The following MAX variants were observed in gnomAD, a reference collection of about 807,000 sequenced individuals.
MAX encodes MYC associated transcriptional regulator X, also known as protein max.
In MAX, 3 loss-of-function variants were observed where a neutral mutation model predicts 22.3. That is an observed-to-expected ratio of 0.13 (90% confidence interval 0.06 to 0.35). MAX has a LOEUF of 0.35. Ranked by LOEUF, MAX falls within the 10% of genes least tolerant of loss-of-function variation. The pLI is 1.00. For synonymous variants in MAX, 72 were observed against 77.7 expected (o/e 0.93, Z 0.39); for missense variants, 119 against 209.4 (o/e 0.57, Z 2.66).
In MAX at chr14:65,069,066, C is replaced by T. The variant is rs781583760; in HGVS notation, c.171+24642G>A. Reference sequence around the variant, plus strand: ...GTAAGGCAGATGCCGATGGTGATGACGTAAGTGCTAGGTGTCCATGCTCCT... The same window carrying T: ...GTAAGGCAGATGCCGATGGTGATGATGTAAGTGCTAGGTGTCCATGCTCCT... On this transcript the variant is annotated intron_variant, in intron 3 of 3. Transcript: ENST00000341653. The surrounding 1 kb of genome is among the most constrained non-coding windows in gnomAD (Gnocchi z 4.6). 1.3e-5 allele frequency among the ~76,000 whole-genome samples: 2 copies of T among 152,088 alleles called. No homozygotes were observed. The highest frequency in any genetic ancestry group is 2.9e-5 in the Non-Finnish European group (2 of 68,024).
intron 2 of MAX, among the ~76,000 whole-genome samples, chr14:65,098,577 A>G (rs568492258): frequency 6.6e-6 from 1 of 152,204 alleles, no homozygotes; most frequent in Non-Finnish European, 1.5e-5. Context: ...GAAATTTCCC[A>G]AACAGAAATA....
At position 65,084,393 on chromosome 14, in the gene MAX, T is replaced by C; in HGVS notation, c.172-6357A>G. Reference sequence around the variant, plus strand: ...TTTGTTTACTGAATTAGTTACCCTCTTCCAAAAAAAAAAATTCCAGTGATA... The same window carrying C: ...TTTGTTTACTGAATTAGTTACCCTCCTCCAAAAAAAAAAATTCCAGTGATA... On this transcript the variant is annotated intron_variant, in intron 3 of 4. Coordinates refer to ENST00000358664, the MANE Select transcript of MAX (RefSeq NM_002382.5). This position sits in a 1 kb window ranked among gnomAD's most constrained non-coding sequence, Gnocchi z 4.3. 1 of 784,142 alleles carries C rather than the reference T, an allele frequency of 1.3e-6. No homozygotes were observed. The highest frequency in any genetic ancestry group is 2.1e-6 in the Non-Finnish European group (1 of 467,188). The allele number at this position is 784,142 out of a possible 1,614,324, so 48.6% of individuals were successfully genotyped here.
chr14:65,047,988 T>G lies in MAX; in HGVS notation c.172-41704A>C, dbSNP rs1174750075. Among the ~76,000 whole-genome samples the G allele has an allele frequency of 7.7e-5, 11 of 141,982 alleles. No individual in the cohort carries two copies. Among genetic ancestry groups the G allele is most frequent in the African/African-American group, 2.9e-4 (11 of 37,980 alleles). 93.1% of individuals were successfully genotyped at this position (141,982 alleles called of 152,430 possible). ...AGGGAGACTTTTTAGATTTTTTTTT[T>G]TTTTTTTTTTTTTTTTTGAGACAGA... On this transcript the variant is annotated intron_variant, in intron 3 of 3. Coordinates refer to the MAX transcript ENST00000341653. The surrounding 1 kb of genome is among the most constrained non-coding windows in gnomAD (Gnocchi z 5.2).
rs59036615 is a variant in MAX at position 65,060,697 on chromosome 14, C to CA, written c.171+33010dup. Among the ~76,000 whole-genome samples, 246 of 48,588 alleles carry CA rather than the reference C, an allele frequency of 5.1e-3. 9 individuals are homozygous for CA. Among genetic ancestry groups the CA allele is most frequent in the Non-Finnish European group, 5.8e-3 (184 of 31,460 alleles). 31.9% of individuals were successfully genotyped at this position (48,588 alleles called of 152,430 possible). On this transcript the variant is annotated intron_variant, in intron 3 of 3. Coordinates refer to the MAX transcript ENST00000341653. The stretch of plus-strand genomic sequence containing the variant: ...GGCGACAGAGCGAGAGACTCCGTCT[C>CA]AAAAAAAAAAAAAAAAAATACAAAA...
upstream of MAX, chr14:65,102,681 C>T: frequency 4.0e-6 from 3 of 758,886 alleles, no homozygotes; most frequent in Non-Finnish European, 5.0e-6. Context: ...ATCCAGGCGA[C>T]GCCAGCCCGG....
intron 3 of MAX, among the ~76,000 whole-genome samples, chr14:65,066,508 T>A (rs2062931718): frequency 6.6e-6 from 1 of 152,128 alleles, no homozygotes; most frequent in Non-Finnish European, 1.5e-5. Flanking sequence ...ATGGAAACTT[T>A]CCCTTGCCCT....
In MAX at chr14:65,084,561, C is replaced by T. The variant is rs1030807989; in HGVS notation, c.172-6525G>A. On this transcript the variant is annotated intron_variant, in intron 3 of 4. Coordinates refer to ENST00000358664, the MANE Select transcript of MAX (RefSeq NM_002382.5). The surrounding 1 kb of genome is among the most constrained non-coding windows in gnomAD (Gnocchi z 4.3). Reference sequence around the variant, plus strand: ...AACACACGGAAAAAGGTCAGATGCTCGCACCCCTCAACCCAGAAATCCAAC... The same window carrying T: ...AACACACGGAAAAAGGTCAGATGCTTGCACCCCTCAACCCAGAAATCCAAC... 7.9e-5 allele frequency among the ~76,000 whole-genome samples: 12 copies of T among 152,164 alleles called. No individual in the cohort carries two copies. The highest frequency in any genetic ancestry group is 1.6e-4 in the Non-Finnish European group (11 of 67,994).
rs554921392 is a variant in MAX, at chr14:65,083,596, C to T, written c.172-5560G>A. The stretch of plus-strand genomic sequence containing the variant: ...CCCTTCCCTAGGGTCCCAATGCTGA[C>T]GTGAGAAACAATAATCTTAACTCTA... On this transcript the variant is annotated intron_variant, in intron 3 of 4. Transcript: ENST00000358664. The T allele has an allele frequency of 2.6e-5, 11 of 418,790 alleles. No individual in the cohort carries two copies. In the South Asian group the frequency reaches 8.0e-4, roughly 31 times the overall value. The allele number at this position is 418,790 out of a possible 1,614,324, so 25.9% of individuals were successfully genotyped here.
rs564706233 is a variant in MAX at position 65,037,287 on chromosome 14, AG to A, written c.172-31004del. Among the ~76,000 whole-genome samples the A allele has an allele frequency of 2.6e-3, 382 of 148,916 alleles. 3 individuals carry two copies. Among genetic ancestry groups the A allele is most frequent in the African/African-American group, 8.9e-3 (361 of 40,490 alleles). On this transcript the variant is annotated intron_variant, in intron 3 of 3. Transcript: ENST00000341653. ...CCCAGCTAATTTTTGTATTTTTAGT[AG>A]AGATGGGGTTTTACCATGTTGGCCA... is the stretch of plus-strand genomic sequence containing the variant.
intron 3 of MAX, among the ~76,000 whole-genome samples, chr14:65,058,107 C>T (rs1595106093): frequency 7.0e-6 from 1 of 143,846 alleles, no homozygotes; most frequent in African/African-American, 3.0e-5. Context: ...AGGAGAGAAC[C>T]AACTTTTTTT....
intron 3 of MAX, among the ~76,000 whole-genome samples, chr14:65,022,340 C>T (rs1449845990): frequency 6.6e-6 from 1 of 150,840 alleles, no homozygotes. Context: ...ATTTTTATAA[C>T]TTATCCTAGG....
chr14:65,038,766 C>G (rs905889752), intron 3 of MAX, among the ~76,000 whole-genome samples: 17 of 152,072 alleles, frequency 1.1e-4, no homozygotes, highest in Non-Finnish European at 2.4e-4. Context: ...GGTTCGTTTC[C>G]ATCTCTTAAT....
chr14:65,038,037 T>A (rs1342412249), intron 3 of MAX, among the ~76,000 whole-genome samples: 3 of 151,928 alleles, frequency 2.0e-5, no homozygotes, highest in Non-Finnish European at 4.4e-5. Flanking sequence ...AGTGCTGGGA[T>A]TACAGGCATG....
chr14:65,057,926 A>C (rs577883150), intron 3 of MAX, among the ~76,000 whole-genome samples: 375 of 152,006 alleles, frequency 2.5e-3, no homozygotes, highest in African/African-American at 8.7e-3. Flanking sequence ...GCCTATCTGC[A>C]CTCTTTTAAG....
At chr14:65,008,515 A>G (rs1398833407) in intron 3 of MAX, among the ~76,000 whole-genome samples, 1 of 152,224 alleles carries the variant, frequency 6.6e-6, no homozygotes, top group Non-Finnish European at 1.5e-5. Context: ...TACCGATGGG[A>G]TAATTTGAGA....
At chr14:65,038,691 C>G (rs2062272065) in intron 3 of MAX, among the ~76,000 whole-genome samples, 1 of 152,150 alleles carries the variant, frequency 6.6e-6, no homozygotes, top group Admixed American at 6.5e-5. Context: ...GTACTCCAGC[C>G]TCGGCATCAG....
intron 3 of MAX, among the ~76,000 whole-genome samples, chr14:65,006,595 T>A (rs1306105615): frequency 6.6e-6 from 1 of 152,148 alleles, no homozygotes. Context: ...TTGGAGGGGC[T>A]TTGTTGTTGT....
chr14:65,070,677 C>A (rs539716160), downstream of MAX, among the ~76,000 whole-genome samples: 108 of 152,358 alleles, frequency 7.1e-4, 1 homozygote, highest in African/African-American at 2.5e-3. The surrounding 1 kb of genome is among the most constrained non-coding windows in gnomAD (Gnocchi z 4.4). Context: ...GCGGGCCCCT[C>A]GGCCCAGTCA....
rs1263114706 is a variant in MAX, at chr14:65,038,488, G to A, written c.172-32204C>T. 2.0e-5 allele frequency among the ~76,000 whole-genome samples: 3 copies of A among 152,014 alleles called. No homozygotes were observed. The East Asian group carries it at 5.8e-4, about 29-fold the overall frequency. Reference sequence around the variant, plus strand: ...TAATCCCAGCACTTTGGGAGGCCAAGGCAGGCAGATCACGAGGTCAGGAGT... The same window carrying A: ...TAATCCCAGCACTTTGGGAGGCCAAAGCAGGCAGATCACGAGGTCAGGAGT... On this transcript the variant is annotated intron_variant, in intron 3 of 3. Coordinates refer to the MAX transcript ENST00000341653.
Sources: allele counts gnomAD v4.1 joint callset (sites outside exome capture counted in the v4.1 genomes callset), GRCh38; gene constraint gnomAD v4.1.1; non-coding constraint Gnocchi (gnomAD v3.1); transcripts MANE v1.5; gene names NCBI Gene and HGNC (gene_info 2026-07-23, HGNC 2026-07-21).